The following TLK1 variants were observed in gnomAD, a reference collection of about 807,000 sequenced individuals.
TLK1 encodes serine/threonine-protein kinase tousled-like 1.
A neutral mutation model predicts 105.3 loss-of-function variants in TLK1; 24 were observed. That is an observed-to-expected ratio of 0.23 (90% confidence interval 0.17 to 0.32). TLK1 has a LOEUF of 0.32. TLK1 is among the 10% of genes least tolerant of loss of function. The probability of loss-of-function intolerance (pLI) is 1.00; values close to 1 mark genes in which losing one functional copy is unlikely to be tolerated. For missense variants in TLK1, 558 were observed against 910.5 expected, an observed-to-expected ratio of 0.61 and a Z score of 4.98; for synonymous variants, 321 against 310.4, an observed-to-expected ratio of 1.03 and a Z score of -0.36.
chr2:171,152,682 T>C (rs1483900535), intron 1 of TLK1, among the ~76,000 whole-genome samples: 2 of 152,176 alleles, frequency 1.3e-5, no homozygotes, highest in Non-Finnish European at 2.9e-5. Context: ...ATAATTTAGT[T>C]TAAAGCCTTG....
intron 1 of TLK1, among the ~76,000 whole-genome samples, chr2:171,216,476 A>AAAAAC (rs535852713): frequency 2.4e-4 from 37 of 152,314 alleles, no homozygotes; most frequent in South Asian, 2.3e-3. Context: ...ACTCCGTCTC[A>AAAAAC]AAAACAAAAC....
intron 2 of TLK1, among the ~76,000 whole-genome samples, chr2:171,103,281 T>TATATATATAA (rs1018211660): frequency 7.3e-5 from 11 of 150,140 alleles, no homozygotes; most frequent in African/African-American, 2.7e-4. Flanking sequence ...TATATATATA[T>TATATATATAA]AATTTTTTTT....
intron 1 of TLK1, among the ~76,000 whole-genome samples, chr2:171,126,969 G>A (rs1690892010): frequency 6.6e-6 from 1 of 151,354 alleles, no homozygotes; most frequent in South Asian, 2.1e-4. Context: ...CAAAAGTATC[G>A]AAAGCAAAAG....
intron 2 of TLK1, among the ~76,000 whole-genome samples, chr2:171,115,448 C>T (rs535295322): frequency 6.6e-6 from 1 of 152,260 alleles, no homozygotes; most frequent in African/African-American, 2.4e-5. Flanking sequence ...GCTGGGATTA[C>T]AGGCGTGAGC....
At chr2:171,226,805 A>C (rs1302672057) in intron 1 of TLK1, among the ~76,000 whole-genome samples, 2 of 152,154 alleles carry the variant, frequency 1.3e-5, no homozygotes. Flanking sequence ...GCATACAAAA[A>C]TCATCCAGCT....
Position 171,006,802 on chromosome 2 carries a change from A to G in TLK1, c.1596T>C (p.Asp532=). 6.2e-7 allele frequency: 1 copy of G among 1,612,090 alleles called. No individual in the cohort carries two copies. Among genetic ancestry groups the G allele is most frequent in the Non-Finnish European group, 8.5e-7 (1 of 1,178,504 alleles). The change falls in exon 16 of 21, where the codon GAT becomes GAC. Residue 532 remains aspartate, a splice_region_variant and synonymous_variant. Transcript: ENST00000431350. ...ATTGAACCTTAATATTCACTTACGT[A>G]TCTGTATCCAAGGAGAAATAATCAT... ...KLYDYFSLDT[D]TFCTVLEYCE... is the part of the protein sequence containing the mutation.
chr2:171,005,833 T>C (rs1684627408), intron 18 of TLK1, among the ~76,000 whole-genome samples: 1 of 152,224 alleles, frequency 6.6e-6, no homozygotes, highest in South Asian at 2.1e-4. Context: ...ATATTTATGA[T>C]GAACATCACG....
chr2:171,214,882 A>G lies in TLK1; in HGVS notation c.-6+16263T>C, dbSNP rs372998723. 2.6e-5 allele frequency among the ~76,000 whole-genome samples: 4 copies of G among 152,218 alleles called. 1 individual carries two copies. The highest frequency in any genetic ancestry group is 9.6e-5 in the African/African-American group (4 of 41,522). ...TGTGATGTTTAAGTGAGTCAAGACA[A>G]TGGGCCTTGATTCAGCAACTGAAGC... On this transcript the variant is annotated intron_variant, in intron 1 of 20. Transcript: ENST00000521943.
rs371321077 is a variant in TLK1 at position 171,160,367 on chromosome 2, G to T, written c.62C>A (p.Thr21Lys). 2.5e-6 allele frequency: 4 copies of T among 1,605,900 alleles called. No individual in the cohort carries two copies. The highest frequency in any genetic ancestry group is 3.4e-6 in the Non-Finnish European group (4 of 1,176,768). Residue 21 changes from threonine (T) to lysine (K), a missense_variant, in exon 1 of 21, where the codon ACG (threonine) becomes AAG (lysine). Physicochemically the swap from Thr to Lys is moderately conservative, Grantham distance 78 (BLOSUM62 -1). This residue lies in a region of TLK1 where 104 missense variants were observed against 116.0 expected (regional missense o/e 0.90). Coordinates refer to ENST00000431350, the MANE Select transcript of TLK1 (RefSeq NM_012290.5). The surrounding 1 kb of genome is among the most constrained non-coding windows in gnomAD (Gnocchi z 4.4). ...EGPPSWSQLS[T>K]SPTPGSAAAA... ...CGCCGCCGAGCCCGGGGTTGGAGAC[G>T]TGGAGAGCTGGGACCAAGATGGCGG... is the stretch of plus-strand genomic sequence containing the variant.
intron 1 of TLK1, among the ~76,000 whole-genome samples, chr2:171,211,290 G>C (rs1439935137): frequency 6.6e-6 from 1 of 152,080 alleles, no homozygotes; most frequent in Non-Finnish European, 1.5e-5. Flanking sequence ...TTCTATAACC[G>C]GTTTGGGTTG....
chr2:171,013,505 C>A, intron 13 of TLK1, among the ~76,000 whole-genome samples: 1 of 151,732 alleles, frequency 6.6e-6, no homozygotes, highest in South Asian at 2.1e-4. Context: ...AGGGTTTTTC[C>A]ACCTTGCTGA....
intron 1 of TLK1, among the ~76,000 whole-genome samples, chr2:171,123,104 A>C (rs1003076062): frequency 6.8e-6 from 1 of 147,718 alleles, no homozygotes; most frequent in Non-Finnish European, 1.5e-5. Context: ...TTTTAATAAA[A>C]GTTTGCTAAT....
intron 11 of TLK1, among the ~76,000 whole-genome samples, chr2:171,030,532 A>G (rs903470948): frequency 2.6e-5 from 4 of 152,146 alleles, no homozygotes; most frequent in African/African-American, 9.7e-5. Context: ...ACTAAAATGT[A>G]TAATATCTCA....
chr2:171,035,076 C>A (rs1686257601), intron 11 of TLK1, among the ~76,000 whole-genome samples: 1 of 152,054 alleles, frequency 6.6e-6, no homozygotes, highest in Admixed American at 6.5e-5. Flanking sequence ...CTTGGTGGCT[C>A]ATGCCCGTAA....
intron 1 of TLK1, among the ~76,000 whole-genome samples, chr2:171,224,344 C>T (rs1452902116): frequency 6.6e-6 from 1 of 152,048 alleles, no homozygotes; most frequent in Non-Finnish European, 1.5e-5. Flanking sequence ...GTTACTATAG[C>T]TTTGTAGTAT....
At chr2:171,142,166 A>G (rs1362187359) in intron 1 of TLK1, among the ~76,000 whole-genome samples, 3 of 151,516 alleles carry the variant, frequency 2.0e-5, no homozygotes, top group Admixed American at 2.0e-4. Context: ...TGGTCTAACT[A>G]TTAAGCCAAG....
intron 14 of TLK1, among the ~76,000 whole-genome samples, chr2:171,009,586 T>C (rs2105366445): frequency 6.6e-6 from 1 of 152,198 alleles, no homozygotes; most frequent in African/African-American, 2.4e-5. Context: ...GGATTACAGG[T>C]GTGAGCCATG....
intron 1 of TLK1, among the ~76,000 whole-genome samples, chr2:171,132,084 T>C (rs1691126147): frequency 2.0e-5 from 3 of 152,156 alleles, no homozygotes; most frequent in Admixed American, 2.0e-4. Flanking sequence ...TATGAAGAAA[T>C]ACCTGAGACT....
At chr2:171,132,340 G>A (rs772509951) in intron 1 of TLK1, among the ~76,000 whole-genome samples, 2 of 151,964 alleles carry the variant, frequency 1.3e-5, no homozygotes, top group Non-Finnish European at 2.9e-5. Context: ...TCCCTTCCAG[G>A]ACACATGGAG....
Sources: gnomAD v4.1 joint callset for allele counts (sites outside exome capture counted in the v4.1 genomes callset) on GRCh38, gnomAD v4.1.1 for gene constraint, gnomAD v4.1.1 regional missense constraint, Gnocchi (gnomAD v3.1) non-coding constraint, MANE v1.5 for transcripts, NCBI Gene and HGNC (gene_info 2026-07-23, HGNC 2026-07-21) for gene names.